The following C8orf34 variants were observed in gnomAD, a reference collection of about 807,000 sequenced individuals.
The protein encoded by C8orf34 is uncharacterized protein C8orf34.
C8orf34 carries 65 observed loss-of-function variants against 68.3 expected under a neutral mutation model. The ratio of observed to expected loss-of-function variants is 0.95; its 90% CI spans 0.78 to 1.17. The LOEUF is 1.17. Ranked by LOEUF, C8orf34 falls within the 50% of genes most tolerant of loss-of-function variation. The pLI, the probability that C8orf34 is intolerant of heterozygous loss-of-function variation, is 0.00. For missense variants in C8orf34, 664 were observed against 655.4 expected, an observed-to-expected ratio of 1.01 and a Z score of -0.14; for synonymous variants, 244 against 241.2, an observed-to-expected ratio of 1.01 and a Z score of -0.11.
intron 7 of C8orf34, among the ~76,000 whole-genome samples, chr8:68,603,748 G>A (rs1475805729): frequency 6.6e-6 from 1 of 152,030 alleles, no homozygotes; most frequent in Non-Finnish European, 1.5e-5. Flanking sequence ...TATAGGTATT[G>A]GCTGAAGGAA....
intron 4 of C8orf34, among the ~76,000 whole-genome samples, chr8:68,483,301 C>A (rs557237504): frequency 1.4e-4 from 21 of 152,212 alleles, no homozygotes; most frequent in South Asian, 6.2e-4. Context: ...TGCAAATGTA[C>A]CCCCAAAAGT....
chr8:68,740,163 C>A (rs1468949275), intron 10 of C8orf34, among the ~76,000 whole-genome samples: 1 of 152,040 alleles, frequency 6.6e-6, no homozygotes, highest in Admixed American at 6.6e-5. Context: ...GGAAGACAAC[C>A]TAGGCAATAC....
At chr8:68,568,003 G>T (rs1335971938) in intron 7 of C8orf34, among the ~76,000 whole-genome samples, 1 of 151,952 alleles carries the variant, frequency 6.6e-6, no homozygotes, top group Non-Finnish European at 1.5e-5. Flanking sequence ...TTTCAGTATT[G>T]CTGTGTCTCA....
At chr8:68,479,394 A>T (rs561849965) in intron 4 of C8orf34, among the ~76,000 whole-genome samples, 40 of 121,130 alleles carry the variant, frequency 3.3e-4, no homozygotes, top group Non-Finnish European at 6.5e-4. Flanking sequence ...TCAGAGAGAC[A>T]CAGAGAAACA....
chr8:68,454,569 T>C (rs1204350857), intron 3 of C8orf34, among the ~76,000 whole-genome samples: 2 of 152,076 alleles, frequency 1.3e-5, no homozygotes, highest in Admixed American at 1.3e-4. Context: ...TCTCTTACAA[T>C]ACTTTTTAAT....
At chr8:68,779,180 A>AACAC (rs10550333) in intron 11 of C8orf34, among the ~76,000 whole-genome samples, 1,431 of 139,220 alleles carry the variant, frequency 0.01, 12 homozygotes, top group East Asian at 0.041. Context: ...CTGTCTCTGA[A>AACAC]ACACACACAC....
chr8:68,542,894 AT>A (rs772375330), intron 7 of C8orf34, among the ~76,000 whole-genome samples: 2 of 152,082 alleles, frequency 1.3e-5, no homozygotes, highest in African/African-American at 2.4e-5. Flanking sequence ...AGAAAATGCC[AT>A]TTTGTTTAAA....
rs80131328 is a variant in C8orf34, at chr8:68,474,882, A to G, written c.736+6062A>G. The stretch of plus-strand genomic sequence containing the variant: ...AGTAGGCTAGCTTGGTGCCCAGGAG[A>G]AGCAAGGAACACACACTATTGATTC... On this transcript the variant is annotated intron_variant, in intron 4 of 13. Coordinates refer to ENST00000518698, the MANE Select transcript of C8orf34 (RefSeq NM_052958.4). Among the ~76,000 whole-genome samples, 1,291 of 152,274 alleles carry G rather than the reference A, an allele frequency of 8.5e-3. 26 individuals are homozygous for G. The highest frequency in any genetic ancestry group is 0.03 in the African/African-American group (1,229 of 41,542).
At chr8:68,369,435 GT>G (rs1290417296) in intron 1 of C8orf34, among the ~76,000 whole-genome samples, 4 of 152,204 alleles carry the variant, frequency 2.6e-5, no homozygotes, top group African/African-American at 9.7e-5. Context: ...GTCTAAACCA[GT>G]CCCACATTTT....
At chr8:68,486,672 TATC>T (rs1378372023) in intron 4 of C8orf34, among the ~76,000 whole-genome samples, 1 of 152,032 alleles carries the variant, frequency 6.6e-6, no homozygotes, top group Non-Finnish European at 1.5e-5. Context: ...ACTAATGAAA[TATC>T]ATTTATACCC....
At chr8:68,629,515 T>C (rs555106351) in intron 7 of C8orf34, among the ~76,000 whole-genome samples, 1 of 152,278 alleles carries the variant, frequency 6.6e-6, no homozygotes, top group Admixed American at 6.5e-5. Flanking sequence ...GTGCAACAAA[T>C]GTATTCCTCC....
At chr8:68,801,329 T>C (rs1824320359) in intron 12 of C8orf34, among the ~76,000 whole-genome samples, 1 of 152,182 alleles carries the variant, frequency 6.6e-6, no homozygotes, top group Admixed American at 6.5e-5. Flanking sequence ...AAACAGAAGA[T>C]ACGGCAATAC....
At chr8:68,716,922 A>ATTTGT (rs1290556733) in intron 9 of C8orf34, among the ~76,000 whole-genome samples, 16 of 151,780 alleles carry the variant, frequency 1.1e-4, no homozygotes, top group Non-Finnish European at 2.1e-4. Context: ...GGCGATGGAT[A>ATTTGT]AAATCAGTGA....
intron 10 of C8orf34, among the ~76,000 whole-genome samples, chr8:68,736,620 C>T (rs1001702612): frequency 3.9e-5 from 6 of 152,078 alleles, no homozygotes; most frequent in Non-Finnish European, 7.4e-5. Context: ...TAATTTTTAT[C>T]GTAACAAGTC....
At chr8:68,695,814 T>C (rs2130919849) in intron 8 of C8orf34, 1 of 152,228 alleles carries the variant, frequency 6.6e-6, no homozygotes, top group African/African-American at 2.4e-5. Flanking sequence ...TTCTGTCATC[T>C]ATATAATCTA....
intron 1 of C8orf34, among the ~76,000 whole-genome samples, chr8:68,356,111 T>A (rs1806736427): frequency 6.6e-6 from 1 of 152,176 alleles, no homozygotes; most frequent in African/African-American, 2.4e-5. Flanking sequence ...GTAGATGTTC[T>A]TCTAAAGAGT....
chr8:68,715,599 C>T (rs1159417769), intron 9 of C8orf34, among the ~76,000 whole-genome samples: 3 of 151,882 alleles, frequency 2.0e-5, no homozygotes, highest in African/African-American at 7.2e-5. Flanking sequence ...GCAATACCAC[C>T]TCACTCCTGC....
chr8:68,622,276 C>A (rs967081779), intron 7 of C8orf34, among the ~76,000 whole-genome samples: 2 of 152,186 alleles, frequency 1.3e-5, no homozygotes, highest in Admixed American at 1.3e-4. Context: ...GAAGTCCAAT[C>A]AACTTGACAG....
At chr8:68,374,230 C>G (rs1218511143) in intron 1 of C8orf34, among the ~76,000 whole-genome samples, 1 of 152,026 alleles carries the variant, frequency 6.6e-6, no homozygotes, top group Non-Finnish European at 1.5e-5. Context: ...TTCTTTCTTA[C>G]TATGATTGTA....
Sources: allele counts gnomAD v4.1 joint callset (sites outside exome capture counted in the v4.1 genomes callset), GRCh38; gene constraint gnomAD v4.1.1; transcripts MANE v1.5; gene names NCBI Gene and HGNC (gene_info 2026-07-23, HGNC 2026-07-21).